Variants in NEK6 observed in about 807,000 individuals in gnomAD.
The protein encoded by NEK6 is serine/threonine-protein kinase Nek6.
In NEK6, 27 loss-of-function variants were observed where a neutral mutation model predicts 43.5. The ratio of observed to expected loss-of-function variants is 0.62; its 90% confidence interval spans 0.46 to 0.86. NEK6 has a LOEUF of 0.86. Ranked by LOEUF, NEK6 falls within the 40% of genes least tolerant of loss-of-function variation. The pLI, the probability that NEK6 is intolerant of heterozygous loss-of-function variation, is 0.00. For missense variants in NEK6, 318 were observed against 414.4 expected, an observed-to-expected ratio of 0.77 and a Z score of 2.02; for synonymous variants, 167 against 164.1, an observed-to-expected ratio of 1.02 and a Z score of -0.14.
intron 1 of NEK6, among the ~76,000 whole-genome samples, chr9:124,284,333 C>G (rs2416930): frequency 0.6 from 91,155 of 152,056 alleles, 27,633 homozygotes; most frequent in East Asian, 0.8. Flanking sequence ...TGGGCGAAGA[C>G]CGAGACTCCG....
chr9:124,262,701 A>T (rs983381365), intron 1 of NEK6, among the ~76,000 whole-genome samples: 1 of 152,234 alleles, frequency 6.6e-6, no homozygotes, highest in Non-Finnish European at 1.5e-5. Context: ...TCTGAAATGC[A>T]TTCAGTTGCA....
intron 1 of NEK6, among the ~76,000 whole-genome samples, chr9:124,301,716 G>A (rs1832985997): frequency 6.6e-6 from 1 of 152,168 alleles, no homozygotes; most frequent in African/African-American, 2.4e-5. Flanking sequence ...CTTCCAGTGG[G>A]GATAATCCTA....
chr9:124,345,890 C>T (rs1046136620), intron 8 of NEK6, among the ~76,000 whole-genome samples: 1 of 152,194 alleles, frequency 6.6e-6, no homozygotes, highest in Non-Finnish European at 1.5e-5. Context: ...CCTGGACATG[C>T]GTCACCTGGG....
At chr9:124,295,866 C>T (rs1588473203) in intron 1 of NEK6, among the ~76,000 whole-genome samples, 1 of 152,372 alleles carries the variant, frequency 6.6e-6, no homozygotes, top group Admixed American at 6.5e-5. Context: ...CAAATGGCAG[C>T]TCTCTCCACT....
rs1463481091 is a variant in NEK6 at position 124,351,406 on chromosome 9, C to CTTAAT, written c.*463_*467dup. 2 of 158,760 alleles carry CTTAAT rather than the reference C, an allele frequency of 1.3e-5. No homozygotes were observed. Among genetic ancestry groups the CTTAAT allele is most frequent in the African/African-American group, 4.8e-5 (2 of 41,504 alleles). 9.8% of individuals were successfully genotyped at this position (158,760 alleles called of 1,614,324 possible). ...AGTATCTTTTCAATCAAGCTGTGTGCTTAATTTACTCTGTTGTAAAGGGAT... is the reference window on the plus strand; with the variant it reads ...AGTATCTTTTCAATCAAGCTGTGTGCTTAATTTAATTTACTCTGTTGTAAAGGGAT... On this transcript the variant is annotated 3_prime_UTR_variant, in exon 10 of 10. Transcript: ENST00000320246.
chr9:124,290,457 G>A (rs73584332), intron 1 of NEK6, among the ~76,000 whole-genome samples: 1,949 of 152,358 alleles, frequency 0.013, 38 homozygotes, highest in African/African-American at 0.044. Flanking sequence ...GTCAGGTGGC[G>A]GAGCCTCGGT....
chr9:124,312,736 C>T, intron 3 of NEK6, 87 bp downstream of exon 3: 2 of 1,395,012 alleles, frequency 1.4e-6, no homozygotes, highest in South Asian at 2.7e-5. Context: ...TCCCTTCTCT[C>T]CCCTCTTCTG....
At chr9:124,281,506 T>C (rs1214208856) in intron 1 of NEK6, among the ~76,000 whole-genome samples, 2 of 142,966 alleles carry the variant, frequency 1.4e-5, no homozygotes, top group Non-Finnish European at 3.1e-5. Flanking sequence ...TTTTTTTTTT[T>C]TTTTTTTTTT....
chr9:124,277,375 G>A (rs779655164), intron 1 of NEK6, among the ~76,000 whole-genome samples: 87 of 152,344 alleles, frequency 5.7e-4, no homozygotes, highest in Non-Finnish European at 5.7e-4. Context: ...GAACATGGGA[G>A]GCGGAGGTTG....
At position 124,347,784 on chromosome 9, in the gene NEK6, G is replaced by A. The variant is rs764888197; in HGVS notation, c.793G>A (p.Asp265Asn). Residue 265 changes from aspartate to asparagine, a missense_variant, in exon 9 of 10, where the codon GAC becomes AAC. Physicochemically the swap from Asp to Asn is conservative, Grantham distance 23 (BLOSUM62 1). Transcript: ENST00000320246. Reference sequence around the variant, plus strand: ...CCTGTGCCAGAAGATCGAGCAGTGTGACTACCCCCCACTCCCCGGGGAGCA... The same window carrying A: ...CCTGTGCCAGAAGATCGAGCAGTGTAACTACCCCCCACTCCCCGGGGAGCA... The part of the protein sequence containing the change: ...FSLCQKIEQC[D>N]YPPLPGEHYS... The A allele has an allele frequency of 1.2e-6, 2 of 1,613,248 alleles. No individual in the cohort carries two copies. Among genetic ancestry groups the A allele is most frequent in the Non-Finnish European group, 8.5e-7 (1 of 1,179,498 alleles).
intron 4 of NEK6, among the ~76,000 whole-genome samples, chr9:124,317,203 C>T (rs1380433006): frequency 1.3e-5 from 2 of 152,198 alleles, no homozygotes; most frequent in African/African-American, 2.4e-5. Flanking sequence ...GGCCAGTGTT[C>T]GCGCAGGACG....
At chr9:124,282,632 G>A (rs1166527530) in intron 1 of NEK6, among the ~76,000 whole-genome samples, 1 of 152,186 alleles carries the variant, frequency 6.6e-6, no homozygotes, top group Non-Finnish European at 1.5e-5. Flanking sequence ...CAGGGGGTGG[G>A]TCAGACACGC....
intron 9 of NEK6, among the ~76,000 whole-genome samples, chr9:124,350,122 CTTCGGCTGCTGT>C (rs934230431): frequency 8.2e-4 from 125 of 152,370 alleles, no homozygotes; most frequent in African/African-American, 2.9e-3. Context: ...GCTGCTGCTG[CTTCGGCTGCTGT>C]GGCCTGCGGG....
intron 2 of NEK6, among the ~76,000 whole-genome samples, chr9:124,304,550 A>T (rs1048934444): frequency 6.6e-6 from 1 of 152,218 alleles, no homozygotes; most frequent in Admixed American, 6.5e-5. Context: ...TAAACATCCA[A>T]CACAGCACCT....
chr9:124,301,849 G>T lies in NEK6; in HGVS notation c.-29-87G>T, dbSNP rs1588481802. ...TGAACGGCTTTGCACCTCAGCTCAC[G>T]CATCTGTAAAATGGGGTGAGCGAAA... On this transcript the variant is annotated intron_variant, in intron 1 of 9. Coordinates refer to ENST00000320246, the MANE Select transcript of NEK6 (RefSeq NM_014397.6). The T allele has an allele frequency of 1.7e-5, 18 of 1,067,536 alleles. 1 individual carries two copies. In the East Asian group the frequency reaches 4.4e-4, roughly 26 times the overall value. 66.1% of individuals were successfully genotyped at this position (1,067,536 alleles called of 1,614,324 possible). A position where few individuals can be genotyped will look rare whatever the true frequency, so the allele number is the denominator to read the frequency against.
At position 124,351,761 on chromosome 9, in the gene NEK6, G is replaced by A. The variant is rs28687204; in HGVS notation, c.*814G>A. ...AATTCTGGTTCTGCAACTTCCTAGC[G>A]TGACTTTGGGCTTGGGCAAGTTTCT... On this transcript the variant is annotated 3_prime_UTR_variant, in exon 10 of 10. Transcript: ENST00000320246. The A allele has an allele frequency of 0.028, 4,300 of 152,310 alleles. 213 individuals carry two copies. Among genetic ancestry groups the A allele is most frequent in the African/African-American group, 0.099 (4,101 of 41,544 alleles). The allele number at this position is 152,310 out of a possible 1,614,324, so 9.4% of individuals were successfully genotyped here.
At chr9:124,301,448 G>A (rs1224157933) in intron 1 of NEK6, among the ~76,000 whole-genome samples, 1 of 152,186 alleles carries the variant, frequency 6.6e-6, no homozygotes, top group African/African-American at 2.4e-5. Context: ...GGCCCAGCCA[G>A]GACAAGGACG....
chr9:124,341,525 G>A (rs997894248), intron 8 of NEK6, among the ~76,000 whole-genome samples: 3 of 152,192 alleles, frequency 2.0e-5, no homozygotes, highest in Non-Finnish European at 4.4e-5. Flanking sequence ...GAAGCAGGCC[G>A]GGTGCTCTTT....
chr9:124,298,080 A>G (rs771819037), intron 1 of NEK6, among the ~76,000 whole-genome samples: 2 of 152,224 alleles, frequency 1.3e-5, no homozygotes, highest in Non-Finnish European at 2.9e-5. Flanking sequence ...GCAGCTTATC[A>G]GCCTAATGGC....
Sources: gnomAD v4.1 joint callset for allele counts (sites outside exome capture counted in the v4.1 genomes callset) on GRCh38, gnomAD v4.1.1 for gene constraint, MANE v1.5 for transcripts, NCBI Gene and HGNC (gene_info 2026-07-23, HGNC 2026-07-21) for gene names.